The following POFUT3 variants were observed in gnomAD, a reference collection of about 807,000 sequenced individuals.
POFUT3 encodes protein O-fucosyltransferase 3.
chr8:33,463,434 G>A, the POFUT3 span, among the ~76,000 whole-genome samples: 1 of 152,044 alleles, frequency 6.6e-6, no homozygotes, highest in South Asian at 2.1e-4. Flanking sequence ...GAACCTGGGA[G>A]GCAGAGGTTG....
the POFUT3 span, among the ~76,000 whole-genome samples, chr8:33,434,320 G>A: frequency 1.3e-5 from 2 of 152,054 alleles, no homozygotes; most frequent in Non-Finnish European, 2.9e-5. Flanking sequence ...TTACTTGCAG[G>A]ACCCTCTTGA....
the POFUT3 span, among the ~76,000 whole-genome samples, chr8:33,337,341 C>T: frequency 6.6e-6 from 1 of 152,162 alleles, no homozygotes; most frequent in East Asian, 1.9e-4. Context: ...AAGTACTTCT[C>T]CATAGTCCTT....
chr8:33,372,819 A>G, the POFUT3 span: 1 of 1,609,142 alleles, frequency 6.2e-7, no homozygotes, highest in Non-Finnish European at 8.5e-7. Context: ...AGGAAGAGAA[A>G]AGAGAAATGA....
the POFUT3 span, among the ~76,000 whole-genome samples, chr8:33,433,217 G>A: frequency 1.3e-5 from 2 of 151,844 alleles, no homozygotes; most frequent in East Asian, 1.9e-4. Flanking sequence ...TTGGGCAACC[G>A]AGTGAGACAG....
chr8:33,454,591 C>T, the POFUT3 span, among the ~76,000 whole-genome samples: 2 of 152,054 alleles, frequency 1.3e-5, no homozygotes, highest in African/African-American at 4.8e-5. Flanking sequence ...CAAGAATGGC[C>T]AACGATTCTA....
chr8:33,455,496 C>G, the POFUT3 span, among the ~76,000 whole-genome samples: 1 of 151,566 alleles, frequency 6.6e-6, no homozygotes, highest in South Asian at 2.1e-4. Flanking sequence ...TGTACAGCAG[C>G]CTGAGCAAAA....
chr8:33,370,044 T>C, the POFUT3 span, among the ~76,000 whole-genome samples: 2 of 151,626 alleles, frequency 1.3e-5, no homozygotes, highest in African/African-American at 4.8e-5. Context: ...AAATTAGTCA[T>C]TGAATGGCCA....
the POFUT3 span, chr8:33,389,780 T>C: frequency 6.2e-7 from 1 of 1,613,442 alleles, no homozygotes; most frequent in East Asian, 2.2e-5. Context: ...AGGTAAGCTA[T>C]CTATGTTAAA....
At chr8:33,394,774 T>A in the POFUT3 span, among the ~76,000 whole-genome samples, 1 of 152,136 alleles carries the variant, frequency 6.6e-6, no homozygotes, top group African/African-American at 2.4e-5. Context: ...TCCTTTCTGG[T>A]GGAGAAAAAT....
chr8:33,407,987 C>CAAAAAAAAAA, the POFUT3 span, among the ~76,000 whole-genome samples: 2 of 83,724 alleles, frequency 2.4e-5, no homozygotes, highest in African/African-American at 8.4e-5. Context: ...GACTCCATCT[C>CAAAAAAAAAA]AAAAAAAAAA....
the POFUT3 span, among the ~76,000 whole-genome samples, chr8:33,336,445 G>A: frequency 6.6e-6 from 1 of 152,170 alleles, no homozygotes; most frequent in Non-Finnish European, 1.5e-5. Context: ...TTATTTGATT[G>A]TAAGTTTATG....
the POFUT3 span, among the ~76,000 whole-genome samples, chr8:33,466,422 C>T: frequency 1.3e-5 from 2 of 149,774 alleles, no homozygotes; most frequent in Admixed American, 6.7e-5. Flanking sequence ...GAGTGAGACA[C>T]TGTCTCAAAA....
At chr8:33,335,946 GGAGGCAGGA>G in the POFUT3 span, among the ~76,000 whole-genome samples, 2 of 152,058 alleles carry the variant, frequency 1.3e-5, no homozygotes, top group African/African-American at 4.8e-5. Context: ...AGATGGAGGA[GGAGGCAGGA>G]GAGGCAGGCA....
At chr8:33,450,361 G>A in the POFUT3 span, among the ~76,000 whole-genome samples, 1 of 152,170 alleles carries the variant, frequency 6.6e-6, no homozygotes, top group Non-Finnish European at 1.5e-5. Flanking sequence ...TTACAGTTGG[G>A]TCATATCTTT....
chr8:33,323,594 C>A, the POFUT3 span, among the ~76,000 whole-genome samples: 1 of 152,168 alleles, frequency 6.6e-6, no homozygotes, highest in East Asian at 1.9e-4. Flanking sequence ...GAGCTTGTCC[C>A]TACCACATGT....
the POFUT3 span, among the ~76,000 whole-genome samples, chr8:33,336,607 G>T: frequency 3.0e-4 from 45 of 152,102 alleles, no homozygotes; most frequent in Non-Finnish European, 4.3e-4. Flanking sequence ...AACATAAAAA[G>T]GTATTCAGAA....
chr8:33,338,977 AAACAT>A, the POFUT3 span: 1 of 152,222 alleles, frequency 6.6e-6, no homozygotes, highest in Non-Finnish European at 1.5e-5. Context: ...CAGGATCTCA[AAACAT>A]AATATTTTAA....
chr8:33,390,225 C>CAT, the POFUT3 span, among the ~76,000 whole-genome samples: 3,070 of 151,756 alleles, frequency 0.02, 106 homozygotes, highest in African/African-American at 0.071. Flanking sequence ...CACACACACA[C>CAT]ATGAAGCATG....
At chr8:33,454,266 C>T in the POFUT3 span, among the ~76,000 whole-genome samples, 3 of 152,168 alleles carry the variant, frequency 2.0e-5, no homozygotes, top group Admixed American at 6.5e-5. Context: ...AGGAGAGAAG[C>T]CTCTTTCTTG....
Sources: allele counts gnomAD v4.1 joint callset (sites outside exome capture counted in the v4.1 genomes callset), GRCh38; gene constraint gnomAD v4.1.1; transcripts MANE v1.5; gene names NCBI Gene and HGNC (gene_info 2026-07-23, HGNC 2026-07-21).